Variants in BFSP1 observed in about 807,000 individuals in gnomAD.
BFSP1 encodes filensin.
A neutral mutation model predicts 43.9 loss-of-function variants in BFSP1; 38 were observed. That is an observed-to-expected ratio of 0.87 (90% CI 0.67 to 1.14). The LOEUF (loss-of-function observed/expected upper bound fraction) is 1.14, where lower values mean the gene tolerates loss of function less well. BFSP1 is among the 50% of genes most tolerant of loss of function. BFSP1 has a pLI of 0.00. For missense variants in BFSP1, 850 were observed against 875.1 expected (o/e 0.97, Z 0.36); for synonymous variants, 352 against 354.8 (o/e 0.99, Z 0.09).
exon 1 of BFSP1, chr20:17,558,700 G>C (rs1227009623): frequency 6.4e-7 from 1 of 1,551,936 alleles, no homozygotes; most frequent in Non-Finnish European, 8.7e-7. Context: ...ACTTTCTCCA[G>C]CATGGAGGCT....
chr20:17,501,885 T>G lies in BFSP1; in HGVS notation c.736-2845A>C, dbSNP rs574432135. ...GAAAGGGGTCTCAGAAATCGCAGAG[T>G]TGGTGGGAGGTTCTAGACAACAGGG... On this transcript the variant is annotated intron_variant, in intron 5 of 7. Coordinates refer to ENST00000377873, the MANE Select transcript of BFSP1 (RefSeq NM_001195.5). Among the ~76,000 whole-genome samples the G allele has an allele frequency of 1.1e-4, 16 of 152,064 alleles. No homozygotes were observed. In the East Asian group the frequency reaches 2.9e-3, roughly 28 times the overall value.
At chr20:17,532,838 T>C (rs553060793), upstream of BFSP1, among the ~76,000 whole-genome samples, 7 of 152,316 alleles carry the variant, frequency 4.6e-5, no homozygotes, top group Non-Finnish European at 7.4e-5. Context: ...GGATTAGTAG[T>C]ACCATATAAT....
chr20:17,566,913 A>T (rs1369520569), intron 1 of BFSP1, among the ~76,000 whole-genome samples: 2 of 151,988 alleles, frequency 1.3e-5, no homozygotes, highest in Admixed American at 6.6e-5. Context: ...CAGCCCCCTA[A>T]AGTGCTGGGA....
At chr20:17,554,441 G>A (rs542319136) in intron 1 of BFSP1, among the ~76,000 whole-genome samples, 3 of 152,228 alleles carry the variant, frequency 2.0e-5, no homozygotes, top group East Asian at 3.9e-4. Context: ...CCTCAAGCCC[G>A]AGCAGAATGT....
chr20:17,506,525 C>CTTT (rs572795949), intron 5 of BFSP1, among the ~76,000 whole-genome samples: 2,615 of 134,474 alleles, frequency 0.019, 38 homozygotes, highest in East Asian at 0.068. Flanking sequence ...TAATTAGTTT[C>CTTT]TTTTTTTTTT....
chr20:17,546,869 C>T (rs1370462400), intron 1 of BFSP1, among the ~76,000 whole-genome samples: 1 of 149,408 alleles, frequency 6.7e-6, no homozygotes, highest in Admixed American at 6.7e-5. Flanking sequence ...ACTAAAAATA[C>T]AAAAATTAGC....
At chr20:17,502,013 G>A (rs140883796) in intron 5 of BFSP1, among the ~76,000 whole-genome samples, 8 of 152,266 alleles carry the variant, frequency 5.3e-5, no homozygotes, top group African/African-American at 1.7e-4. Context: ...AAATGAAGCC[G>A]AAAGGCAAAG....
intron 5 of BFSP1, among the ~76,000 whole-genome samples, chr20:17,505,813 A>G (rs1333645136): frequency 1.3e-5 from 2 of 151,918 alleles, no homozygotes; most frequent in African/African-American, 4.8e-5. Flanking sequence ...CCCGGGCCAC[A>G]CCCCAGACCC....
At chr20:17,552,359 G>A (rs2034908725) in intron 1 of BFSP1, among the ~76,000 whole-genome samples, 1 of 152,172 alleles carries the variant, frequency 6.6e-6, no homozygotes, top group African/African-American at 2.4e-5. Context: ...GCAAGAGTGG[G>A]GCAGGTGAGG....
chr20:17,556,771 C>T (rs1196641613), intron 1 of BFSP1, among the ~76,000 whole-genome samples: 5 of 151,672 alleles, frequency 3.3e-5, no homozygotes, highest in East Asian at 1.9e-4. Flanking sequence ...TTTTTTAAAA[C>T]GACCTCTTTA....
chr20:17,514,881 G>C (rs2034164819), intron 2 of BFSP1, 65 bp from the exon 3 acceptor site: 1 of 1,447,638 alleles, frequency 6.9e-7, no homozygotes, highest in African/African-American at 1.4e-5. Flanking sequence ...AGCTGGCCGG[G>C]TATATGAGCA....
chr20:17,533,945 A>T (rs550617189), upstream of BFSP1, among the ~76,000 whole-genome samples: 22 of 152,322 alleles, frequency 1.4e-4, no homozygotes, highest in African/African-American at 5.3e-4. Context: ...ACTAATGAAA[A>T]CACAAGATAA....
At position 17,494,316 on chromosome 20, in the gene BFSP1, G is replaced by T; in HGVS notation, c.1756C>A (p.Pro586Thr). The T allele has an allele frequency of 6.2e-7, 1 of 1,614,210 alleles. No individual in the cohort carries two copies. The highest frequency in any genetic ancestry group is 8.5e-7 in the Non-Finnish European group (1 of 1,180,032). ...VTPGAEEPSI[P>T]EPPKPAADQD... is the part of the protein sequence containing the mutation. ...TCAGCCGCAGGCTTTGGAGGCTCAG[G>T]TATAGATGGTTCCTCTGCACCGGGT... The change falls in exon 8 of 8, where the codon CCT (proline) becomes ACT (threonine). Residue 586 changes from proline (P) to threonine (T), a missense_variant. Pro to Thr is a conservative substitution (Grantham distance 38, BLOSUM62 -1). Coordinates refer to ENST00000377873, the MANE Select transcript of BFSP1 (RefSeq NM_001195.5).
chr20:17,499,403 CTTTTTTTTTT>C (rs34583097), intron 5 of BFSP1, among the ~76,000 whole-genome samples: 9 of 82,100 alleles, frequency 1.1e-4, no homozygotes, highest in East Asian at 3.2e-4. Context: ...ACATGCTGGG[CTTTTTTTTTT>C]TTTTTTTTTT....
At chr20:17,526,080 T>C (rs2034412883) in intron 1 of BFSP1, among the ~76,000 whole-genome samples, 1 of 137,478 alleles carries the variant, frequency 7.3e-6, no homozygotes, top group Non-Finnish European at 1.5e-5. Flanking sequence ...AGAAACATTT[T>C]GGATAAGCCA....
At chr20:17,524,778 A>T in intron 2 of BFSP1, 70 bp downstream of exon 2, 1 of 1,523,172 alleles carries the variant, frequency 6.6e-7, no homozygotes, top group Non-Finnish European at 9.1e-7. Context: ...AGCCTGTAAA[A>T]CCTGCACTTC....
At position 17,543,229 on chromosome 20, in the gene BFSP1, CAG is replaced by C. The variant is rs572354014; in HGVS notation, c.2+15457_2+15458del. Among the ~76,000 whole-genome samples, 20 of 152,280 alleles carry C rather than the reference CAG, an allele frequency of 1.3e-4. No homozygotes were observed. The South Asian group carries it at 3.3e-3, about 25-fold the overall frequency. On this transcript the variant is annotated intron_variant, in intron 1 of 7. Transcript: ENST00000377868. ...TCTGAAGACCAACAGTGGCGGTAAG[CAG>C]AGAGTGTCTTTTGCCGTGTAACAAA... is the stretch of plus-strand genomic sequence containing the variant.
At chr20:17,532,981 C>T (rs935694449), upstream of BFSP1, among the ~76,000 whole-genome samples, 5 of 152,070 alleles carry the variant, frequency 3.3e-5, no homozygotes, top group Admixed American at 2.6e-4. Context: ...ATAATAGATT[C>T]CGTCTGGAAT....
intron 2 of BFSP1, chr20:17,516,787 T>C (rs1345109484): frequency 6.1e-6 from 3 of 488,438 alleles, no homozygotes; most frequent in Admixed American, 3.3e-5. Context: ...TAGGAATGTA[T>C]CTTAAAACAT....
Sources: gnomAD v4.1 joint callset for allele counts (sites outside exome capture counted in the v4.1 genomes callset) on GRCh38, gnomAD v4.1.1 for gene constraint, MANE v1.5 for transcripts, NCBI Gene and HGNC (gene_info 2026-07-23, HGNC 2026-07-21) for gene names.